PLBD1: variants seen among roughly 807,000 people sequenced by gnomAD.
PLBD1 encodes the protein phospholipase B domain containing 1.
Under a neutral mutation model 63.0 loss-of-function variants are expected in PLBD1, and 60 were observed. The ratio of observed to expected loss-of-function variants is 0.95; its 90% CI spans 0.77 to 1.18. The LOEUF (loss-of-function observed/expected upper bound fraction) is 1.18, where lower values mean the gene tolerates loss of function less well. Ranked by LOEUF, PLBD1 falls within the 50% of genes most tolerant of loss-of-function variation. PLBD1 has a pLI of 0.00. For synonymous variants in PLBD1, 262 were observed against 248.0 expected (o/e 1.06, Z -0.53); for missense variants, 598 against 677.9 (o/e 0.88, Z 1.31).
chr12:14,509,613 A>G lies in PLBD1; in HGVS notation c.1186+1647T>C, dbSNP rs180705394. 4.0e-3 allele frequency among the ~76,000 whole-genome samples: 608 copies of G among 152,280 alleles called. 1 individual carries two copies. The highest frequency in any genetic ancestry group is 6.2e-3 in the Non-Finnish European group (423 of 68,008). ...ATTTAGTTGGTGTGACCCATTCTCC[A>G]CTGACAAGGCTCACTCTAGGCATCA... On this transcript the variant is annotated intron_variant, in intron 8 of 10. Coordinates refer to ENST00000240617, the MANE Select transcript of PLBD1 (RefSeq NM_024829.6).
intron 2 of PLBD1, among the ~76,000 whole-genome samples, chr12:14,542,955 G>A (rs1945587292): frequency 6.6e-6 from 1 of 152,184 alleles, no homozygotes; most frequent in Non-Finnish European, 1.5e-5. Context: ...GCTGAGGCAG[G>A]AGAATGGCAT....
At position 14,506,964 on chromosome 12, in the gene PLBD1, C is replaced by A; in HGVS notation, c.1341G>T (p.Thr447=). 1 of 1,613,974 alleles carries A rather than the reference C, an allele frequency of 6.2e-7. No homozygotes were observed. The highest frequency in any genetic ancestry group is 8.5e-7 in the Non-Finnish European group (1 of 1,179,960). The change falls in exon 9 of 11, where the codon ACG becomes ACT. Residue 447 remains threonine, a synonymous_variant. Coordinates refer to ENST00000240617, the MANE Select transcript of PLBD1 (RefSeq NM_024829.6). ...ATCGCATGATATATTTCATGGATGC[C>A]GTATCAGTCACTTTCCCTTGGTCAC... ...FRRDQGKVTD[T]ASMKYIMRYN... is the part of the protein sequence containing the mutation.
intron 1 of PLBD1, among the ~76,000 whole-genome samples, chr12:14,560,046 G>A (rs1416233644): frequency 6.6e-6 from 1 of 152,114 alleles, no homozygotes; most frequent in African/African-American, 2.4e-5. Flanking sequence ...TTTTAGTACA[G>A]ACAGGGTTTC....
At chr12:14,552,905 G>A (rs907626049) in intron 2 of PLBD1, among the ~76,000 whole-genome samples, 2 of 152,168 alleles carry the variant, frequency 1.3e-5, no homozygotes, top group African/African-American at 4.8e-5. Flanking sequence ...GCTCATGCTT[G>A]TGGTCCCAAC....
intron 4 of PLBD1, among the ~76,000 whole-genome samples, chr12:14,538,983 T>G (rs2136922560): frequency 6.6e-6 from 1 of 152,248 alleles, no homozygotes; most frequent in South Asian, 2.1e-4. Flanking sequence ...GATCAACCAC[T>G]GCCCTCCAGC....
intron 6 of PLBD1, among the ~76,000 whole-genome samples, chr12:14,533,809 G>C (rs1945487868): frequency 6.6e-6 from 1 of 152,192 alleles, no homozygotes; most frequent in African/African-American, 2.4e-5. Flanking sequence ...AAAGGATCAG[G>C]TCACAAGGAC....
chr12:14,555,581 C>G (rs186158654), intron 1 of PLBD1, among the ~76,000 whole-genome samples: 1 of 152,284 alleles, frequency 6.6e-6, no homozygotes, highest in Admixed American at 6.5e-5. Context: ...TTGCTTCCCA[C>G]TTGGCCTTCG....
chr12:14,535,627 A>T (rs371206049), intron 6 of PLBD1, 32 bp downstream of exon 6: 3 of 1,610,554 alleles, frequency 1.9e-6, no homozygotes, highest in Non-Finnish European at 2.5e-6. Context: ...ATAGTACTCA[A>T]AGTGCTCAGA....
intron 6 of PLBD1, among the ~76,000 whole-genome samples, chr12:14,527,138 A>G (rs1395796020): frequency 1.3e-5 from 2 of 152,200 alleles, no homozygotes; most frequent in South Asian, 2.1e-4. Context: ...ATTTTAAGAT[A>G]TACTTAGAAA....
chr12:14,546,064 G>A lies in PLBD1; in HGVS notation c.336-3773C>T, dbSNP rs189880270. 5.0e-3 allele frequency among the ~76,000 whole-genome samples: 754 copies of A among 152,206 alleles called. 1 individual carries two copies. Among genetic ancestry groups the A allele is most frequent in the Admixed American group, 9.4e-3 (143 of 15,282 alleles). ...AAGGCCAGCACGGTGGCTCACACCC[G>A]TAATTCCAGCAGTTTGGGAAGCCGA... On this transcript the variant is annotated intron_variant, in intron 2 of 10. Transcript: ENST00000240617.
chr12:14,544,716 C>G (rs527366278), intron 2 of PLBD1, among the ~76,000 whole-genome samples: 153 of 152,058 alleles, frequency 1.0e-3, no homozygotes, highest in African/African-American at 3.4e-3. Flanking sequence ...TGTATCTAGT[C>G]TAGGGTTTGT....
In PLBD1 at chr12:14,558,317, C is replaced by A. The variant is rs985066964; in HGVS notation, c.116-4905G>T. ...AAATAGGGAGGTGTCAAATAATTTG[C>A]CAATAAACTGCGGGTGACAAATAAT... On this transcript the variant is annotated intron_variant, in intron 1 of 10. Coordinates refer to ENST00000240617, the MANE Select transcript of PLBD1 (RefSeq NM_024829.6). Among the ~76,000 whole-genome samples the A allele has an allele frequency of 2.0e-5, 3 of 152,044 alleles. No homozygotes were observed. In the South Asian group the frequency reaches 6.2e-4, roughly 32 times the overall value.
At chr12:14,542,874 C>T (rs1028139049) in intron 2 of PLBD1, among the ~76,000 whole-genome samples, 7 of 152,042 alleles carry the variant, frequency 4.6e-5, no homozygotes, top group African/African-American at 7.2e-5. Context: ...GGTGAAACCC[C>T]GTCTGTACTA....
At chr12:14,525,091 C>T (rs1945406372) in intron 6 of PLBD1, among the ~76,000 whole-genome samples, 1 of 152,128 alleles carries the variant, frequency 6.6e-6, no homozygotes, top group African/African-American at 2.4e-5. Context: ...GGTGAAACTT[C>T]ATCTCTACTA....
At chr12:14,544,299 G>A (rs1316270551) in intron 2 of PLBD1, among the ~76,000 whole-genome samples, 3 of 152,056 alleles carry the variant, frequency 2.0e-5, no homozygotes, top group Non-Finnish European at 2.9e-5. Flanking sequence ...TCAGCCTCCC[G>A]AGTAGCTGGG....
chr12:14,514,953 T>A (rs1036145933), intron 6 of PLBD1, among the ~76,000 whole-genome samples: 9 of 152,238 alleles, frequency 5.9e-5, no homozygotes, highest in African/African-American at 2.2e-4. Flanking sequence ...AACACTCCAG[T>A]GTTTTATGAA....
At chr12:14,566,794 T>TAAAAAAAAAA (rs34908327) in intron 1 of PLBD1, among the ~76,000 whole-genome samples, 1 of 138,664 alleles carries the variant, frequency 7.2e-6, no homozygotes, top group African/African-American at 2.6e-5. Flanking sequence ...GATTATATAT[T>TAAAAAAAAAA]AAAAAAAAAA....
At chr12:14,565,637 C>T (rs1945774991) in intron 1 of PLBD1, among the ~76,000 whole-genome samples, 1 of 152,022 alleles carries the variant, frequency 6.6e-6, no homozygotes, top group South Asian at 2.1e-4. Flanking sequence ...CTTCAGAGAA[C>T]ACATGACAAG....
intron 6 of PLBD1, among the ~76,000 whole-genome samples, chr12:14,515,030 C>T (rs7308144): frequency 0.036 from 5,532 of 152,154 alleles, 345 homozygotes; most frequent in African/African-American, 0.13. Flanking sequence ...TAAAAAGAAA[C>T]ACTTCCGGTT....
Sources: gnomAD v4.1 joint callset for allele counts (sites outside exome capture counted in the v4.1 genomes callset) on GRCh38, gnomAD v4.1.1 for gene constraint, MANE v1.5 for transcripts, NCBI Gene and HGNC (gene_info 2026-07-23, HGNC 2026-07-21) for gene names.